Variants in CYP2R1 observed in about 807,000 individuals in gnomAD.
The protein encoded by CYP2R1 is vitamin D 25-hydroxylase.
A neutral mutation model predicts 45.7 loss-of-function variants in CYP2R1; 40 were observed. The ratio of observed to expected loss-of-function variants is 0.87; its 90% CI spans 0.68 to 1.14. The LOEUF is 1.14. Ranked by LOEUF, CYP2R1 falls within the 50% of genes most tolerant of loss-of-function variation. The pLI, the probability that CYP2R1 is intolerant of heterozygous loss-of-function variation, is 0.00. For synonymous variants in CYP2R1, 234 were observed against 219.3 expected, an observed-to-expected ratio of 1.07 and a Z score of -0.59; for missense variants, 605 against 602.6, an observed-to-expected ratio of 1.00 and a Z score of -0.04.
intron 2 of CYP2R1, among the ~76,000 whole-genome samples, chr11:14,883,450 A>G (rs1432291692): frequency 1.3e-5 from 2 of 152,238 alleles, no homozygotes; most frequent in Non-Finnish European, 1.5e-5. Context: ...TCCCTATTTA[A>G]TAAATGGTGC....
At position 14,877,747 on chromosome 11, in the gene CYP2R1, G is replaced by C. The variant is rs887827235; in HGVS notation, c.*375C>G. On this transcript the variant is annotated 3_prime_UTR_variant, in exon 5 of 5. Transcript: ENST00000334636. Reference sequence around the variant, plus strand: ...GTTTATTAATGACAATACCTGATCAGAAGGGAGCTGGTTTCTGGAACCAAG... The same window carrying C: ...GTTTATTAATGACAATACCTGATCACAAGGGAGCTGGTTTCTGGAACCAAG... The C allele has an allele frequency of 1.3e-4, 25 of 195,372 alleles. No homozygotes were observed. The highest frequency in any genetic ancestry group is 5.4e-4 in the African/African-American group (23 of 42,464). The allele number at this position is 195,372 out of a possible 1,614,324, so 12.1% of individuals were successfully genotyped here.
intron 1 of CYP2R1, among the ~76,000 whole-genome samples, chr11:14,888,395 T>C (rs1555015400): frequency 6.6e-6 from 1 of 152,238 alleles, no homozygotes; most frequent in African/African-American, 2.4e-5. Flanking sequence ...TATAACATCA[T>C]GGGCTAAATG....
Position 14,879,148 on chromosome 11 carries a change from A to C in CYP2R1, c.1296T>G (p.Phe432Leu). ...AAGGAACCAAAGCTTCCTTCTTGGC[A>C]AAATATCCACTGCTGTCCAGAAATC... ...PERFLDSSGY[F>L]AKKEALVPFS... is the part of the protein sequence containing the mutation. Residue 432 changes from phenylalanine to leucine, a missense_variant, in exon 4 of 5, where the codon TTT becomes TTG. By Grantham distance (22) the Phe-to-Leu change is conservative. Transcript: ENST00000334636. The C allele has an allele frequency of 6.2e-7, 1 of 1,613,252 alleles. No individual in the cohort carries two copies. Among genetic ancestry groups the C allele is most frequent in the South Asian group, 1.1e-5 (1 of 91,066 alleles).
intron 1 of CYP2R1, chr11:14,890,476 G>A (rs1848793238): frequency 1.0e-6 from 1 of 973,868 alleles, no homozygotes; most frequent in Non-Finnish European, 1.2e-6. Context: ...TAAACTATTC[G>A]TGAACCATGA....
intron 1 of CYP2R1, chr11:14,891,265 T>C (rs1555016779): frequency 5.1e-6 from 5 of 985,130 alleles, no homozygotes; most frequent in Non-Finnish European, 6.0e-6. Flanking sequence ...GGTTATGAGT[T>C]TTAAATGAGT....
intron 2 of CYP2R1, 130 bp downstream of exon 2, chr11:14,885,646 A>G (rs992190998): frequency 1.0e-6 from 1 of 968,112 alleles, no homozygotes; most frequent in South Asian, 1.5e-5. Context: ...CTCAAATACT[A>G]GGTTCTGTAA....
chr11:14,883,111 A>G (rs545316544), intron 2 of CYP2R1, among the ~76,000 whole-genome samples: 188 of 152,310 alleles, frequency 1.2e-3, no homozygotes, highest in African/African-American at 4.2e-3. Flanking sequence ...ATACTGCCCA[A>G]GGTAATTTAT....
In CYP2R1 at chr11:14,880,406, G is replaced by T; in HGVS notation, c.730C>A (p.Gln244Lys). Residue 244 changes from glutamine to lysine, a missense_variant, in exon 3 of 5, where the codon CAA becomes AAA. By Grantham distance (53) the Gln-to-Lys change is moderately conservative. Coordinates refer to ENST00000334636, the MANE Select transcript of CYP2R1 (RefSeq NM_024514.5). Reference protein sequence around the residue: ...WIGILPFGKHQQLFRNAAVVY... With the variant: ...WIGILPFGKHKQLFRNAAVVY... ...ACAGCTGCATTTCTAAACAGCTGTT[G>T]ATGTTTTCCAAAAGGCAGGATGCCA... 6.2e-7 allele frequency: 1 copy of T among 1,613,398 alleles called. No individual in the cohort carries two copies. The highest frequency in any genetic ancestry group is 8.5e-7 in the Non-Finnish European group (1 of 1,179,662).
chr11:14,879,382 G>C lies in CYP2R1; in HGVS notation c.1062C>G (p.Asp354Glu), dbSNP rs781908105. 4.3e-6 allele frequency: 7 copies of C among 1,609,598 alleles called. No homozygotes were observed. In the Admixed American group the frequency reaches 1.0e-4, roughly 23 times the overall value. Residue 354 changes from aspartate to glutamate, a missense_variant, in exon 4 of 5, where the codon GAC becomes GAG. Asp to Glu is a conservative substitution (Grantham distance 45). Transcript: ENST00000334636. Reference protein sequence around the residue: ...MGPNGKPSWDDKCKMPYTEAV... With the variant: ...MGPNGKPSWDEKCKMPYTEAV... ...CCTCAGTATAAGGCATTTTGCATTT[G>C]TCGTCCCAAGAAGGCTTCCCATTAG...
intron 1 of CYP2R1, 172 bp from the exon 2 acceptor site, chr11:14,886,089 T>A (rs942532663): frequency 1.2e-5 from 8 of 641,608 alleles, no homozygotes; most frequent in Non-Finnish European, 1.9e-5. Flanking sequence ...CTATAAGGCA[T>A]GCAAAACTGT....
At chr11:14,891,341 C>A (rs1555016814) in intron 1 of CYP2R1, 1 of 985,314 alleles carries the variant, frequency 1.0e-6, no homozygotes, top group African/African-American at 1.7e-5. Flanking sequence ...GGTGCCGTTC[C>A]CAGCCAGTCA....
At chr11:14,891,188 C>T (rs1590236101) in intron 1 of CYP2R1, 1 of 985,338 alleles carries the variant, frequency 1.0e-6, no homozygotes, top group Admixed American at 6.1e-5. Context: ...CTGCCAGTCA[C>T]AGGGCATTTC....
chr11:14,890,478 G>A, intron 1 of CYP2R1: 2 of 970,198 alleles, frequency 2.1e-6, no homozygotes, highest in South Asian at 4.8e-5. Flanking sequence ...AACTATTCGT[G>A]AACCATGAAA....
chr11:14,891,886 C>A, intron 1 of CYP2R1, 95 bp downstream of exon 1: 2 of 1,464,498 alleles, frequency 1.4e-6, no homozygotes, highest in Non-Finnish European at 1.8e-6. Context: ...CCCGACTAGT[C>A]GGCCCAGGGG....
rs573405441 is a variant in CYP2R1, at chr11:14,892,221, G to A, written c.-16C>T. 9.5e-5 allele frequency: 152 copies of A among 1,606,234 alleles called. No individual in the cohort carries two copies. In the East Asian group the frequency reaches 2.9e-3, roughly 31 times the overall value. ...GCTTCCACATCGGCCCGAGCTGGAGGTGCGAACTCCACAGCAGCCCTGAGA... is the reference window on the plus strand; with the variant it reads ...GCTTCCACATCGGCCCGAGCTGGAGATGCGAACTCCACAGCAGCCCTGAGA... On this transcript the variant is annotated 5_prime_UTR_variant, in exon 1 of 5. Coordinates refer to ENST00000334636, the MANE Select transcript of CYP2R1 (RefSeq NM_024514.5).
Position 14,879,289 on chromosome 11 carries a change from T to G in CYP2R1, c.1155A>C (p.Glu385Asp). ...TGGAATAACCACGTACAACTGCATC[T>G]TCAGAGGTTGCATGGAAAATCCCTA... ...VPLGIFHATS[E>D]DAVVRGYSIP... The change falls in exon 4 of 5, where the codon GAA (glutamate) becomes GAC (aspartate). Residue 385 changes from glutamate (E) to aspartate (D), a missense_variant. Glu to Asp is a conservative substitution (Grantham distance 45). Transcript: ENST00000334636. The G allele has an allele frequency of 6.2e-7, 1 of 1,613,330 alleles. No homozygotes were observed. Among genetic ancestry groups the G allele is most frequent in the African/African-American group, 1.3e-5 (1 of 74,998 alleles).
chr11:14,879,883 C>A (rs928198126), intron 3 of CYP2R1, among the ~76,000 whole-genome samples: 2 of 152,116 alleles, frequency 1.3e-5, no homozygotes, highest in Admixed American at 6.6e-5. Context: ...GATTCCAGCT[C>A]TGCCACTTGC....
chr11:14,886,276 T>C (rs1480431560), intron 1 of CYP2R1: 2 of 210,530 alleles, frequency 9.5e-6, no homozygotes, highest in Non-Finnish European at 1.9e-5. Flanking sequence ...AAAATATATT[T>C]GATATATATG....
upstream of CYP2R1, chr11:14,892,354 G>C (rs187639972): frequency 1.4e-3 from 992 of 726,888 alleles, 2 homozygotes; most frequent in Middle Eastern, 3.8e-3. Flanking sequence ...AGGCCCCTTC[G>C]GGACAACTAC....
Sources: allele counts gnomAD v4.1 joint callset (sites outside exome capture counted in the v4.1 genomes callset), GRCh38; gene constraint gnomAD v4.1.1; transcripts MANE v1.5; gene names NCBI Gene and HGNC (gene_info 2026-07-23, HGNC 2026-07-21).